Variants in FRMD4A observed in about 807,000 individuals in gnomAD.
The protein encoded by FRMD4A is FERM domain containing 4A, also known as FERM domain-containing protein 4A.
FRMD4A carries 29 observed loss-of-function variants against 129.1 expected under a neutral mutation model. The observed-to-expected ratio is 0.22, with a 90% CI of 0.17 to 0.31. The LOEUF is 0.31. Among genes scored for constraint, FRMD4A ranks in the 10% least tolerant of loss-of-function variants. The pLI is 1.00. For synonymous variants in FRMD4A, 634 were observed against 571.6 expected (o/e 1.11, Z -1.56); for missense variants, 1,272 against 1,375.8 (o/e 0.92, Z 1.19).
chr10:14,307,151 T>G (rs779033252), intron 2 of FRMD4A, among the ~76,000 whole-genome samples: 3 of 152,256 alleles, frequency 2.0e-5, no homozygotes, highest in Admixed American at 6.5e-5. Flanking sequence ...CTTCTGATAC[T>G]TTTCTTTGAG....
At chr10:13,907,759 T>C (rs1266414911) in intron 2 of FRMD4A, among the ~76,000 whole-genome samples, 1 of 151,994 alleles carries the variant, frequency 6.6e-6, no homozygotes, top group African/African-American at 2.4e-5. Flanking sequence ...AAGTTGCTGC[T>C]AGATCAAATA....
At position 14,149,310 on chromosome 10, in the gene FRMD4A, G is replaced by A. The variant is rs879296962; in HGVS notation, c.45+180748C>T. ...AATACGTAGTAAGATTGATGAAAAC[G>A]TCTTTTAAATACTCCCTGCTCATCT... On this transcript the variant is annotated intron_variant, in intron 2 of 24. Transcript: ENST00000357447. 3.5e-4 allele frequency among the ~76,000 whole-genome samples: 54 copies of A among 152,146 alleles called. 1 individual carries two copies. Among genetic ancestry groups the A allele is most frequent in the Admixed American group, 3.3e-3 (50 of 15,272 alleles).
chr10:14,119,953 A>C (rs1196696340), intron 2 of FRMD4A, among the ~76,000 whole-genome samples: 1 of 151,130 alleles, frequency 6.6e-6, no homozygotes, highest in Admixed American at 6.6e-5. Flanking sequence ...ATTCTTGCAG[A>C]CTTACAAAGG....
At chr10:13,654,649 G>C (rs2081984124) in intron 22 of FRMD4A, 137 bp from the exon 23 acceptor site, 2 of 626,188 alleles carry the variant, frequency 3.2e-6, no homozygotes, top group African/African-American at 1.8e-5. Flanking sequence ...GGACCCCAGA[G>C]CAGGGTCTCA....
At chr10:14,233,371 A>T (rs1326836997) in intron 2 of FRMD4A, among the ~76,000 whole-genome samples, 2 of 151,866 alleles carry the variant, frequency 1.3e-5, no homozygotes, top group Non-Finnish European at 2.9e-5. Flanking sequence ...GGAGTTCAAG[A>T]CCAGCCTGGC....
intron 15 of FRMD4A, chr10:13,693,308 A>G (rs1001503427): frequency 1.1e-5 from 2 of 180,336 alleles, no homozygotes; most frequent in South Asian, 2.1e-4. Context: ...GGACCTTGGA[A>G]CTCCTCTGTC....
chr10:14,047,257 A>C (rs1373837998), intron 2 of FRMD4A, among the ~76,000 whole-genome samples: 2 of 152,140 alleles, frequency 1.3e-5, no homozygotes, highest in African/African-American at 4.8e-5. Context: ...GAAAAGAAGA[A>C]CCAAGAAGGT....
rs560711131 is a variant in FRMD4A at position 14,117,799 on chromosome 10, T to A, written c.45+212259A>T. ...CCGTGCCTTTTGATGGACTTTTGCC[T>A]TCTTCTGGGTGAGCAGAAAGGAGTC... On this transcript the variant is annotated intron_variant, in intron 2 of 24. Transcript: ENST00000357447. 1.2e-4 allele frequency among the ~76,000 whole-genome samples: 18 copies of A among 152,332 alleles called. No homozygotes were observed. The South Asian group carries it at 3.7e-3, about 32-fold the overall frequency.
At chr10:13,654,545 C>G (rs1159880853) in intron 22 of FRMD4A, 33 bp from the exon 23 acceptor site, 1 of 1,392,916 alleles carries the variant, frequency 7.2e-7, no homozygotes, top group Non-Finnish European at 1.0e-6. Context: ...AGGCAGAGAG[C>G]AGACAGGGAT....
chr10:14,006,630 C>A (rs898949787), intron 2 of FRMD4A, among the ~76,000 whole-genome samples: 3 of 152,068 alleles, frequency 2.0e-5, no homozygotes, highest in Non-Finnish European at 4.4e-5. Context: ...ATTCACACAG[C>A]CCTAAGGCAC....
At chr10:14,220,958 G>A (rs550898964) in intron 2 of FRMD4A, among the ~76,000 whole-genome samples, 101 of 151,952 alleles carry the variant, frequency 6.6e-4, no homozygotes, top group African/African-American at 2.4e-3. Context: ...GCAGGAACCT[G>A]ACTATTTAGG....
At chr10:13,961,927 C>CATGA (rs139864395) in intron 2 of FRMD4A, among the ~76,000 whole-genome samples, 6,085 of 151,968 alleles carry the variant, frequency 0.04, 142 homozygotes, top group South Asian at 0.076. Flanking sequence ...TGAACAAAGA[C>CATGA]ATGAATGAAT....
intron 2 of FRMD4A, among the ~76,000 whole-genome samples, chr10:14,294,766 GC>G (rs1845957002): frequency 6.6e-6 from 1 of 152,204 alleles, no homozygotes; most frequent in Non-Finnish European, 1.5e-5. Flanking sequence ...AAAAACACGA[GC>G]TTTATTAAAT....
intron 2 of FRMD4A, among the ~76,000 whole-genome samples, chr10:14,276,720 T>C (rs1845353904): frequency 6.6e-6 from 1 of 152,224 alleles, no homozygotes; most frequent in East Asian, 1.9e-4. Context: ...GGCCTCACTG[T>C]CCTGTTGGTT....
intron 3 of FRMD4A, 44 bp downstream of exon 3, chr10:13,858,803 T>G (rs757903023): frequency 9.2e-7 from 1 of 1,092,424 alleles, no homozygotes; most frequent in Non-Finnish European, 1.4e-6. Context: ...TGAAACCACA[T>G]CAGTCACCAA....
chr10:13,797,252 A>C (rs918359286), intron 4 of FRMD4A, among the ~76,000 whole-genome samples: 6 of 152,230 alleles, frequency 3.9e-5, no homozygotes, highest in South Asian at 4.2e-4. Flanking sequence ...TTTTTCCTGA[A>C]GGACTGAAAG....
intron 2 of FRMD4A, among the ~76,000 whole-genome samples, chr10:14,092,543 G>T (rs908681141): frequency 2.0e-5 from 3 of 152,238 alleles, no homozygotes; most frequent in African/African-American, 7.2e-5. Context: ...TACTTCCACT[G>T]TGTCTTCAGT....
At chr10:13,925,177 T>G (rs2095117302) in intron 2 of FRMD4A, among the ~76,000 whole-genome samples, 1 of 152,068 alleles carries the variant, frequency 6.6e-6, no homozygotes, top group Non-Finnish European at 1.5e-5. Flanking sequence ...CTTACTTCTT[T>G]CAAGGAAGAG....
chr10:13,697,203 G>C (rs1048291818), intron 14 of FRMD4A, among the ~76,000 whole-genome samples: 10 of 150,694 alleles, frequency 6.6e-5, no homozygotes, highest in Non-Finnish European at 1.3e-4. Flanking sequence ...GCCTAGGCTG[G>C]GGGAGTGCGG....
Sources: allele counts gnomAD v4.1 joint callset (sites outside exome capture counted in the v4.1 genomes callset), GRCh38; gene constraint gnomAD v4.1.1; transcripts MANE v1.5; gene names NCBI Gene and HGNC (gene_info 2026-07-23, HGNC 2026-07-21).